Variants in ARHGAP26 observed in about 807,000 individuals in gnomAD.
The protein encoded by ARHGAP26 is rho GTPase-activating protein 26.
ARHGAP26 carries 38 observed loss-of-function variants against 104.8 expected under a neutral mutation model. The ratio of observed to expected loss-of-function variants is 0.36; its 90% CI spans 0.28 to 0.48. The LOEUF is 0.48. Ranked by LOEUF, ARHGAP26 falls within the 20% of genes least tolerant of loss-of-function variation. The probability of loss-of-function intolerance (pLI) is 0.99; values close to 1 mark genes in which losing one functional copy is unlikely to be tolerated. For missense variants in ARHGAP26, 704 were observed against 947.9 expected, an observed-to-expected ratio of 0.74 and a Z score of 3.38; for synonymous variants, 341 against 340.0, an observed-to-expected ratio of 1.00 and a Z score of -0.03.
chr5:143,087,636 C>CTTCTTTTTTTT (rs756401821), intron 17 of ARHGAP26, among the ~76,000 whole-genome samples: 1 of 51,536 alleles, frequency 1.9e-5, no homozygotes, highest in East Asian at 8.6e-4. Flanking sequence ...CTGGCCCATT[C>CTTCTTTTTTTT]TTTTTTTTTT....
intron 20 of ARHGAP26, among the ~76,000 whole-genome samples, chr5:143,198,493 C>T (rs139871897): frequency 7.2e-4 from 109 of 152,282 alleles, no homozygotes; most frequent in African/African-American, 2.4e-3. Context: ...TTGTGAGCCA[C>T]GGTGCACAAT....
chr5:143,012,561 A>ATATATATG (rs1778993509), intron 11 of ARHGAP26, among the ~76,000 whole-genome samples: 1 of 76,840 alleles, frequency 1.3e-5, no homozygotes, highest in Non-Finnish European at 3.3e-5. Flanking sequence ...ACATATATAT[A>ATATATATG]TATATATATA....
intron 12 of ARHGAP26, among the ~76,000 whole-genome samples, chr5:143,024,682 A>G (rs919391656): frequency 6.6e-6 from 1 of 152,146 alleles, no homozygotes; most frequent in Non-Finnish European, 1.5e-5. Context: ...TGATCCTCCT[A>G]AGAACCCTAT....
intron 20 of ARHGAP26, among the ~76,000 whole-genome samples, chr5:143,154,466 G>A (rs1203501063): frequency 6.6e-6 from 1 of 152,074 alleles, no homozygotes; most frequent in Non-Finnish European, 1.5e-5. Flanking sequence ...TATTATTTTG[G>A]AGGGCTCCCC....
At chr5:143,147,084 T>TTC in intron 19 of ARHGAP26, 147 bp from the exon 20 acceptor site, 2 of 1,020,656 alleles carry the variant, frequency 2.0e-6, no homozygotes, top group Non-Finnish European at 2.8e-6. Context: ...CACTTTTAAT[T>TTC]CTTAACCTTT....
chr5:142,770,478 C>A lies in ARHGAP26; in HGVS notation c.-284C>A, dbSNP rs1754974548. On this transcript the variant is annotated 5_prime_UTR_variant, in exon 1 of 23. Transcript: ENST00000645722. Reference sequence around the variant, plus strand: ...GGAGGCGGCGTCTGCACTCGCTCGCCCGCTCGCTCGCTTCCCGGCGCCGCT... The same window carrying A: ...GGAGGCGGCGTCTGCACTCGCTCGCACGCTCGCTCGCTTCCCGGCGCCGCT... 2 of 193,092 alleles carry A rather than the reference C, an allele frequency of 1.0e-5. No individual in the cohort carries two copies. The highest frequency in any genetic ancestry group is 8.0e-5 in the East Asian group (1 of 12,540). 12.0% of individuals were successfully genotyped at this position (193,092 alleles called of 1,614,324 possible). A position where few individuals can be genotyped will look rare whatever the true frequency, so the allele number is the denominator to read the frequency against.
intron 13 of ARHGAP26, among the ~76,000 whole-genome samples, chr5:143,039,889 C>T (rs1783189738): frequency 1.3e-5 from 2 of 152,190 alleles, no homozygotes; most frequent in African/African-American, 4.8e-5. Context: ...TGTATTTTAA[C>T]TTCTACGAAA....
intron 12 of ARHGAP26, among the ~76,000 whole-genome samples, chr5:143,021,559 G>A (rs1780337144): frequency 6.6e-6 from 1 of 152,218 alleles, no homozygotes; most frequent in African/African-American, 2.4e-5. Flanking sequence ...TTTGCATGGA[G>A]GAGTAATGTG....
At chr5:142,962,308 A>G (rs1291209418) in intron 11 of ARHGAP26, among the ~76,000 whole-genome samples, 1 of 152,142 alleles carries the variant, frequency 6.6e-6, no homozygotes, top group African/African-American at 2.4e-5. Context: ...CCTCAGTTCA[A>G]CTCTCAGCCA....
chr5:143,109,080 A>G (rs1562441896), intron 17 of ARHGAP26, among the ~76,000 whole-genome samples: 2 of 152,216 alleles, frequency 1.3e-5, no homozygotes, highest in African/African-American at 4.8e-5. Flanking sequence ...AGATTGTTAC[A>G]ATGGTGAAAT....
Position 143,168,445 on chromosome 5 carries a change from CTTTTTTTTTTTTTTTTTT to C in ARHGAP26, c.1988+21078_1988+21095del, listed in dbSNP as rs10610584. 15 of 25,708 alleles carry C rather than the reference CTTTTTTTTTTTTTTTTTT, an allele frequency of 5.8e-4. 1 individual carries two copies. The highest frequency in any genetic ancestry group is 0.045 in the Middle Eastern group (1 of 22). 1.6% of individuals were successfully genotyped at this position (25,708 alleles called of 1,614,324 possible). On this transcript the variant is annotated intron_variant, in intron 20 of 22. Transcript: ENST00000645722. ...CAAATAGACCTCACCATCTGGAACT[CTTTTTTTTTTTTTTTTTT>C]TTTTTTTTTTTTTGCTCAAATTTTC...
chr5:143,222,082 A>G (rs1811235119), intron 22 of ARHGAP26, among the ~76,000 whole-genome samples: 2 of 152,214 alleles, frequency 1.3e-5, no homozygotes, highest in Admixed American at 1.3e-4. Flanking sequence ...ATTGTACACA[A>G]AATTTTGTAT....
chr5:142,770,738 C>T lies in ARHGAP26; in HGVS notation c.-24C>T, dbSNP rs1182657191. ...GCCCGGGCCCCGGCGGAGGCGCGCC[C>T]CCCGGCTGGGCGCCGCGCGCACCAT... On this transcript the variant is annotated 5_prime_UTR_variant, in exon 1 of 23. Coordinates refer to ENST00000645722, the MANE Select transcript of ARHGAP26 (RefSeq NM_001135608.3). 3.8e-6 allele frequency: 5 copies of T among 1,304,302 alleles called. No homozygotes were observed. The highest frequency in any genetic ancestry group is 6.7e-5 in the East Asian group (2 of 29,926). The allele number at this position is 1,304,302 out of a possible 1,614,324, so 80.8% of individuals were successfully genotyped here.
At chr5:143,074,375 G>A (rs944918581) in intron 17 of ARHGAP26, among the ~76,000 whole-genome samples, 1 of 152,116 alleles carries the variant, frequency 6.6e-6, no homozygotes, top group Admixed American at 6.5e-5. Flanking sequence ...ATTTCAGTCT[G>A]TCTGGTATCC....
Position 143,174,405 on chromosome 5 carries a change from T to TCACA in ARHGAP26, c.1988+27033_1988+27036dup, listed in dbSNP as rs367610962. Among the ~76,000 whole-genome samples the TCACA allele has an allele frequency of 2.9e-3, 442 of 152,038 alleles. 2 individuals carry two copies. The highest frequency in any genetic ancestry group is 9.8e-3 in the African/African-American group (408 of 41,466). On this transcript the variant is annotated intron_variant, in intron 20 of 22. Transcript: ENST00000645722. ...TTTTAAAGGGAAGGGGAGTGTGAAA[T>TCACA]CACACACACACATCCACCCACACCA... is the stretch of plus-strand genomic sequence containing the variant.
At chr5:142,784,924 T>C (rs1314845934) in intron 1 of ARHGAP26, among the ~76,000 whole-genome samples, 1 of 90,540 alleles carries the variant, frequency 1.1e-5, no homozygotes, top group Non-Finnish European at 1.9e-5. Context: ...TTCCTTAGGA[T>C]TTTTTTTTTT....
At chr5:142,929,912 A>C (rs753741935) in intron 10 of ARHGAP26, among the ~76,000 whole-genome samples, 1 of 152,182 alleles carries the variant, frequency 6.6e-6, no homozygotes, top group Non-Finnish European at 1.5e-5. Context: ...TTTGCTCTCT[A>C]GGGCAGGGGG....
At chr5:143,096,900 C>T (rs761070719) in intron 17 of ARHGAP26, among the ~76,000 whole-genome samples, 1 of 152,138 alleles carries the variant, frequency 6.6e-6, no homozygotes, top group African/African-American at 2.4e-5. Context: ...CACAAAATAG[C>T]TTTGTATGGC....
intron 1 of ARHGAP26, among the ~76,000 whole-genome samples, chr5:142,856,953 C>T (rs1224292111): frequency 6.6e-6 from 1 of 152,136 alleles, no homozygotes; most frequent in Non-Finnish European, 1.5e-5. Context: ...TTCTGGAGGC[C>T]AGAAATCTGA....
Sources: allele counts gnomAD v4.1 joint callset (sites outside exome capture counted in the v4.1 genomes callset), GRCh38; gene constraint gnomAD v4.1.1; transcripts MANE v1.5; gene names NCBI Gene and HGNC (gene_info 2026-07-23, HGNC 2026-07-21).